TRPM2: variants seen among roughly 807,000 people sequenced by gnomAD.
TRPM2 encodes the protein estrogen-responsive element-associated gene 1 protein.
A neutral mutation model predicts 174.0 loss-of-function variants in TRPM2; 161 were observed. The ratio of observed to expected loss-of-function variants is 0.93; its 90% CI spans 0.81 to 1.05. The LOEUF is 1.05. Ranked by LOEUF, TRPM2 falls within the 50% of genes least tolerant of loss-of-function variation. TRPM2 has a pLI of 0.00. For missense variants in TRPM2, 2,057 were observed against 2,038.0 expected (o/e 1.01, Z -0.18); for synonymous variants, 954 against 861.3 (o/e 1.11, Z -1.88).
intron 30 of TRPM2, among the ~76,000 whole-genome samples, chr21:44,440,496 G>A (rs944195965): frequency 6.6e-6 from 1 of 152,066 alleles, no homozygotes; most frequent in African/African-American, 2.4e-5. Flanking sequence ...GTTATGAGTG[G>A]ACTCCTACAA....
At chr21:44,372,959 C>A (rs1224311611) in intron 5 of TRPM2, among the ~76,000 whole-genome samples, 6 of 152,146 alleles carry the variant, frequency 3.9e-5, no homozygotes, top group African/African-American at 1.4e-4. Context: ...CCCTTTCAGT[C>A]CAAATTTGCA....
At chr21:44,379,220 T>A in intron 8 of TRPM2, 23 bp downstream of exon 8, 1 of 1,608,016 alleles carries the variant, frequency 6.2e-7, no homozygotes, top group African/African-American at 1.3e-5. Flanking sequence ...GGCACGACGG[T>A]CACCAGCATG....
chr21:44,380,288 A>G (rs2048840082), intron 8 of TRPM2, among the ~76,000 whole-genome samples: 1 of 152,204 alleles, frequency 6.6e-6, no homozygotes, highest in Admixed American at 6.5e-5. Context: ...GGAGAATAAC[A>G]TGATGTAGCT....
rs759666751 is a variant in TRPM2 at position 44,441,791 on chromosome 21, G to C, written c.4486G>C (p.Ala1496Pro). 1 of 1,610,352 alleles carries C rather than the reference G, an allele frequency of 6.2e-7. No individual in the cohort carries two copies. Among genetic ancestry groups the C allele is most frequent in the South Asian group, 1.1e-5 (1 of 89,984 alleles). The change falls in exon 32 of 32, where the codon GCC becomes CCC. Residue 1496 changes from alanine (A) to proline (P), a missense_variant. Transcript: ENST00000397928. ...ANHKTLLQKAAAEFGAHY is the reference protein window; with the variant it reads ...ANHKTLLQKAPAEFGAHY Reference sequence around the variant, plus strand: ...CCACAAGACCCTCCTCCAGAAGGCAGCCGCTGAGTTCGGGGCTCACTACTG... The same window carrying C: ...CCACAAGACCCTCCTCCAGAAGGCACCCGCTGAGTTCGGGGCTCACTACTG...
At position 44,401,897 on chromosome 21, in the gene TRPM2, G is replaced by A; in HGVS notation, c.2538G>A (p.Gln846=). The change falls in exon 16 of 32, where the codon CAG becomes CAA. Residue 846 remains glutamine (Q), a splice_region_variant and synonymous_variant. Coordinates refer to ENST00000397928, the MANE Select transcript of TRPM2 (RefSeq NM_003307.4). ...CCTTGGTGTGCGAGGAGATGCGGCA[G>A]GTACAGCCCCACCCGCTTTTCCACG... ...LFSLVCEEMR[Q]LFYDPDECGL... 4 of 1,613,626 alleles carry A rather than the reference G, an allele frequency of 2.5e-6. No individual in the cohort carries two copies. Among genetic ancestry groups the A allele is most frequent in the Non-Finnish European group, 3.4e-6 (4 of 1,179,982 alleles).
At chr21:44,394,510 G>A (rs2049279921) in intron 11 of TRPM2, among the ~76,000 whole-genome samples, 1 of 151,668 alleles carries the variant, frequency 6.6e-6, no homozygotes, top group Admixed American at 6.6e-5. Flanking sequence ...TAGTAGAGAT[G>A]GGGTTTCACT....
rs2051392778 is a variant in TRPM2 at position 44,439,125 on chromosome 21, AGC to A, written c.4227_4228del (p.His1410LeufsTer5). 1 of 1,613,750 alleles carries A rather than the reference AGC, an allele frequency of 6.2e-7. No homozygotes were observed. Among genetic ancestry groups the A allele is most frequent in the Non-Finnish European group, 8.5e-7 (1 of 1,179,848 alleles). On this transcript the variant is annotated frameshift_variant, in exon 30 of 32. Transcript: ENST00000397928. LOFTEE classifies it high-confidence loss of function. The surrounding 1 kb of genome is among the most constrained non-coding windows in gnomAD (Gnocchi z 5.1). ...AAGCTGAAGCGGATCCTCCGGCAGG[AGC>A]ACTGGCCGTCTTTTGAAAACTTGCT...
intron 7 of TRPM2, among the ~76,000 whole-genome samples, chr21:44,378,560 C>T (rs963825708): frequency 4.6e-5 from 7 of 152,188 alleles, no homozygotes; most frequent in Non-Finnish European, 8.8e-5. Flanking sequence ...CTCATGCACA[C>T]GGCAGAGTCC....
chr21:44,358,533 T>G (rs9977290), intron 2 of TRPM2, among the ~76,000 whole-genome samples: 38,601 of 152,122 alleles, frequency 0.25, 5,430 homozygotes, highest in African/African-American at 0.39. Context: ...TGGATCAGTG[T>G]CCGCAATGCA....
chr21:44,410,112 C>T (rs1340498574), intron 19 of TRPM2, among the ~76,000 whole-genome samples: 3 of 89,094 alleles, frequency 3.4e-5, no homozygotes, highest in Non-Finnish European at 2.7e-5. Context: ...TCTTGGTGAG[C>T]GTAGCCTTGT....
intron 9 of TRPM2, among the ~76,000 whole-genome samples, chr21:44,386,916 G>T (rs1001218896): frequency 6.6e-6 from 1 of 152,214 alleles, no homozygotes; most frequent in Non-Finnish European, 1.5e-5. Flanking sequence ...AGGGCTGGGT[G>T]TGGTGGCTCA....
Position 44,391,542 on chromosome 21 carries a change from G to C in TRPM2, c.1711G>C (p.Asp571His). The C allele has an allele frequency of 6.2e-7, 1 of 1,602,620 alleles. No homozygotes were observed. Among genetic ancestry groups the C allele is most frequent in the African/African-American group, 1.3e-5 (1 of 74,944 alleles). ...CCAGGTGCTGCGGGAGCTGCTGGGG[G>C]ACTTCACGCAGCCGCTTTATCCCCG... ...VAQVLRELLGDFTQPLYPRPR... is the reference protein window; with the variant it reads ...VAQVLRELLGHFTQPLYPRPR... The change falls in exon 11 of 32, where the codon GAC (aspartate) becomes CAC (histidine). Residue 571 changes from aspartate (D) to histidine (H), a missense_variant. Asp to His is a moderately conservative substitution (Grantham distance 81). Coordinates refer to ENST00000397928, the MANE Select transcript of TRPM2 (RefSeq NM_003307.4). This position sits in a 1 kb window ranked among gnomAD's most constrained non-coding sequence, Gnocchi z 5.0.
chr21:44,440,034 T>G (rs2051435125), intron 30 of TRPM2, among the ~76,000 whole-genome samples: 1 of 151,420 alleles, frequency 6.6e-6, no homozygotes. Flanking sequence ...ATGGACGCTC[T>G]TTATAAAAGC....
chr21:44,408,676 C>T (rs1197991902), intron 19 of TRPM2, among the ~76,000 whole-genome samples: 3 of 116,284 alleles, frequency 2.6e-5, no homozygotes, highest in African/African-American at 7.4e-5. Flanking sequence ...TTTTTTTTTT[C>T]CGACAGGGTC....
intron 12 of TRPM2, among the ~76,000 whole-genome samples, chr21:44,396,952 T>C (rs2049447465): frequency 6.9e-6 from 1 of 145,518 alleles, no homozygotes; most frequent in Admixed American, 6.9e-5. Context: ...CTGTGGAGGC[T>C]GTGGAGGGTT....
intron 19 of TRPM2, among the ~76,000 whole-genome samples, chr21:44,409,500 C>T (rs77888669): frequency 6.0e-5 from 9 of 150,910 alleles, no homozygotes; most frequent in South Asian, 2.1e-4. Context: ...AAGTTTTGAC[C>T]GCACTGTCTT....
chr21:44,385,177 A>C (rs2048983658), intron 9 of TRPM2, among the ~76,000 whole-genome samples: 1 of 152,224 alleles, frequency 6.6e-6, no homozygotes, highest in South Asian at 2.1e-4. Context: ...TGGGGAAAAA[A>C]CATGATTATC....
intron 27 of TRPM2, 151 bp downstream of exon 27, chr21:44,427,262 T>A: frequency 1.4e-6 from 1 of 705,002 alleles, no homozygotes; most frequent in African/African-American, 1.8e-5. Flanking sequence ...ATCAACTCAC[T>A]GCATCTCCGT....
chr21:44,425,099 A>AGCCC lies in TRPM2; in HGVS notation c.3637+161_3637+164dup, dbSNP rs1222554640. ...GCAGGGCCAGCGCCCTCAGGAACTC[A>AGCCC]GCCCACCCACCGACGCTGGCGCCGA... On this transcript the variant is annotated intron_variant, in intron 24 of 31. Transcript: ENST00000397928. 7.6e-6 allele frequency: 5 copies of AGCCC among 659,848 alleles called. No homozygotes were observed. In the Admixed American group the frequency reaches 1.5e-4, roughly 20 times the overall value. 40.9% of individuals were successfully genotyped at this position (659,848 alleles called of 1,614,324 possible).
Sources: gnomAD v4.1 joint callset for allele counts (sites outside exome capture counted in the v4.1 genomes callset) on GRCh38, gnomAD v4.1.1 for gene constraint, Gnocchi (gnomAD v3.1) non-coding constraint, MANE v1.5 for transcripts, NCBI Gene and HGNC (gene_info 2026-07-23, HGNC 2026-07-21) for gene names.